Variants in PLA2R1 observed in about 807,000 individuals in gnomAD.
The protein encoded by PLA2R1 is phospholipase A2 receptor 1, also known as secretory phospholipase A2 receptor.
A neutral mutation model predicts 195.9 loss-of-function variants in PLA2R1; 158 were observed. The ratio of observed to expected loss-of-function variants is 0.81; its 90% CI spans 0.71 to 0.92. PLA2R1 has a LOEUF of 0.92. Ranked by LOEUF, PLA2R1 falls within the 40% of genes least tolerant of loss-of-function variation. The pLI, the probability that PLA2R1 is intolerant of heterozygous loss-of-function variation, is 0.00. For missense variants in PLA2R1, 1,626 were observed against 1,764.6 expected (o/e 0.92, Z 1.41); for synonymous variants, 586 against 598.2 (o/e 0.98, Z 0.30).
At chr2:160,061,307 G>T (rs940712238) in intron 1 of PLA2R1, among the ~76,000 whole-genome samples, 1 of 152,148 alleles carries the variant, frequency 6.6e-6, no homozygotes, top group Non-Finnish European at 1.5e-5. Context: ...GCCCCTGCAG[G>T]CCAGAAATCT....
chr2:159,941,828 A>G lies in PLA2R1; in HGVS notation c.4342T>C (p.Tyr1448His), dbSNP rs1490863877. The G allele has an allele frequency of 6.2e-7, 1 of 1,612,312 alleles. No homozygotes were observed. The highest frequency in any genetic ancestry group is 2.2e-5 in the East Asian group (1 of 44,860). The part of the protein sequence containing the change: ...YYPATNFSTV[Y>H]LEENILISDL... ...GAAATGAGAATATTTTCTTCTAAATATACTGTACTAAAGTTGGTTGCAGGA... is the reference window on the plus strand; with the variant it reads ...GAAATGAGAATATTTTCTTCTAAATGTACTGTACTAAAGTTGGTTGCAGGA... The change falls in exon 30 of 30, where the codon TAT (tyrosine) becomes CAT (histidine). Residue 1448 changes from tyrosine to histidine, a missense_variant. Tyr to His is a moderately conservative substitution (Grantham distance 83, BLOSUM62 2). Coordinates refer to ENST00000283243, the MANE Select transcript of PLA2R1 (RefSeq NM_007366.5).
the PLA2R1 span, among the ~76,000 whole-genome samples, chr2:159,926,779 C>T: frequency 1.3e-5 from 2 of 152,152 alleles, no homozygotes; most frequent in African/African-American, 4.8e-5. Flanking sequence ...CTTCCCCCCA[C>T]CCAGCTCCAT....
chr2:160,053,934 C>T (rs925823270), intron 1 of PLA2R1, among the ~76,000 whole-genome samples: 3 of 152,300 alleles, frequency 2.0e-5, no homozygotes, highest in East Asian at 3.9e-4. Context: ...AGCTTTAAAC[C>T]CTAAGTGGAA....
intron 3 of PLA2R1, among the ~76,000 whole-genome samples, chr2:160,035,815 GA>G (rs1448039932): frequency 1.3e-5 from 2 of 152,160 alleles, no homozygotes; most frequent in Non-Finnish European, 2.9e-5. Flanking sequence ...CTCATCCACT[GA>G]ATCTAGCCAT....
intron 8 of PLA2R1, 53 bp from the exon 9 acceptor site, chr2:160,016,765 G>A: frequency 1.3e-6 from 1 of 781,628 alleles, no homozygotes. Context: ...TGATACCGAT[G>A]GGCAATAGCA....
rs1202995549 is a variant in PLA2R1 at position 159,940,196 on chromosome 2, A to G, written c.*1582T>C. On this transcript the variant is annotated 3_prime_UTR_variant, in exon 30 of 30. Coordinates refer to ENST00000283243, the MANE Select transcript of PLA2R1 (RefSeq NM_007366.5). The stretch of plus-strand genomic sequence containing the variant: ...TTGAGGCAGTTGGTTGTAATAATTA[A>G]AATGCACACTCTCAGGGAGGCCCTG... 1 of 152,168 alleles carries G rather than the reference A, an allele frequency of 6.6e-6. No individual in the cohort carries two copies. Among genetic ancestry groups the G allele is most frequent in the Non-Finnish European group, 1.5e-5 (1 of 68,028 alleles). 9.4% of individuals were successfully genotyped at this position (152,168 alleles called of 1,614,324 possible).
At chr2:159,983,052 T>TG (rs975997097) in intron 13 of PLA2R1, among the ~76,000 whole-genome samples, 2 of 151,106 alleles carry the variant, frequency 1.3e-5, no homozygotes, top group African/African-American at 2.4e-5. Flanking sequence ...AACTCGGGGG[T>TG]GGGGGGCTCA....
chr2:159,955,813 T>G lies in PLA2R1; in HGVS notation c.3038A>C (p.Asn1013Thr), dbSNP rs761785732. 3 of 1,598,632 alleles carry G rather than the reference T, an allele frequency of 1.9e-6. No homozygotes were observed. The highest frequency in any genetic ancestry group is 1.9e-4 in the Middle Eastern group (1 of 5,348). ...CACACTGGTGGTCTGGCCAAAAAGA[T>G]TCATAGTAATGAAAGCTGAAAAACA... ...SEVEQAFITM[N>T]LFGQTTSVWI... Residue 1013 changes from asparagine (N) to threonine (T), a missense_variant, in exon 22 of 30, where the codon AAT becomes ACT. Coordinates refer to ENST00000283243, the MANE Select transcript of PLA2R1 (RefSeq NM_007366.5).
At chr2:160,059,466 T>C (rs1479123265) in intron 1 of PLA2R1, among the ~76,000 whole-genome samples, 1 of 152,200 alleles carries the variant, frequency 6.6e-6, no homozygotes. Context: ...ATGTGTACTA[T>C]TACTAGCTCC....
At chr2:160,022,215 T>C (rs1463442304) in intron 7 of PLA2R1, among the ~76,000 whole-genome samples, 1 of 152,172 alleles carries the variant, frequency 6.6e-6, no homozygotes, top group African/African-American at 2.4e-5. Context: ...AAAATTCCTA[T>C]ACATGGGGAA....
At chr2:159,996,274 A>T (rs866910965) in intron 11 of PLA2R1, among the ~76,000 whole-genome samples, 12 of 152,100 alleles carry the variant, frequency 7.9e-5, no homozygotes, top group Middle Eastern at 6.8e-3. Context: ...TCTGATAAAA[A>T]TTCTCCTTCA....
chr2:160,036,447 T>C (rs1001631910), intron 3 of PLA2R1, among the ~76,000 whole-genome samples: 9 of 152,198 alleles, frequency 5.9e-5, no homozygotes, highest in Non-Finnish European at 1.2e-4. Flanking sequence ...CTTTACCTGG[T>C]AGGCCTCATG....
intron 12 of PLA2R1, among the ~76,000 whole-genome samples, chr2:159,985,875 G>A (rs1690290184): frequency 6.6e-6 from 1 of 152,096 alleles, no homozygotes; most frequent in Non-Finnish European, 1.5e-5. Context: ...CAGGCAGAGT[G>A]TACCAAGAGT....
At chr2:160,035,875 T>C (rs1185567264) in intron 3 of PLA2R1, among the ~76,000 whole-genome samples, 2 of 152,322 alleles carry the variant, frequency 1.3e-5, no homozygotes, top group East Asian at 3.9e-4. Flanking sequence ...GTTGCCAAAT[T>C]CAGCAACTGT....
chr2:159,966,767 G>A (rs1688816487), intron 20 of PLA2R1, among the ~76,000 whole-genome samples: 1 of 152,030 alleles, frequency 6.6e-6, no homozygotes, highest in Non-Finnish European at 1.5e-5. Flanking sequence ...GACACAGTTT[G>A]GGTTTTTTAA....
At chr2:159,987,974 C>T (rs1036878862) in intron 11 of PLA2R1, among the ~76,000 whole-genome samples, 5 of 152,086 alleles carry the variant, frequency 3.3e-5, no homozygotes, top group African/African-American at 1.2e-4. Flanking sequence ...GATTTTCCCT[C>T]CCACCTTCAT....
At chr2:159,974,974 G>T (rs777773903) in intron 17 of PLA2R1, among the ~76,000 whole-genome samples, 8 of 152,180 alleles carry the variant, frequency 5.3e-5, no homozygotes, top group Non-Finnish European at 1.0e-4. Flanking sequence ...GATATAAAAA[G>T]ATGATAGAGT....
chr2:159,943,959 G>A (rs188988098), intron 28 of PLA2R1, among the ~76,000 whole-genome samples: 2 of 151,692 alleles, frequency 1.3e-5, no homozygotes, highest in Admixed American at 6.6e-5. Flanking sequence ...CTCCTCTTTC[G>A]TTCCTAGTTT....
intron 6 of PLA2R1, among the ~76,000 whole-genome samples, chr2:160,026,385 T>C (rs1286071150): frequency 6.6e-6 from 1 of 152,204 alleles, no homozygotes; most frequent in African/African-American, 2.4e-5. Flanking sequence ...TATCCCCAGC[T>C]GAAAAGAGCC....
Sources: gnomAD v4.1 joint callset for allele counts (sites outside exome capture counted in the v4.1 genomes callset) on GRCh38, gnomAD v4.1.1 for gene constraint, MANE v1.5 for transcripts, NCBI Gene and HGNC (gene_info 2026-07-23, HGNC 2026-07-21) for gene names.